PHF3: variants seen among roughly 807,000 people sequenced by gnomAD.
The protein encoded by PHF3 is PHD finger protein 3.
A neutral mutation model predicts 178.4 loss-of-function variants in PHF3; 41 were observed. The observed-to-expected ratio is 0.23, with a 90% CI of 0.18 to 0.30. The LOEUF (loss-of-function observed/expected upper bound fraction) is 0.30, where lower values mean the gene tolerates loss of function less well. Ranked by LOEUF, PHF3 falls within the 10% of genes least tolerant of loss-of-function variation. The pLI, the probability that PHF3 is intolerant of heterozygous loss-of-function variation, is 1.00. For missense variants in PHF3, 2,346 were observed against 2,398.1 expected (o/e 0.98, Z 0.45); for synonymous variants, 842 against 800.5 (o/e 1.05, Z -0.88).
rs143605940 is a variant in PHF3 at position 63,662,011 on chromosome 6, A to ACCT, written c.244+15220_244+15222dup. Among the ~76,000 whole-genome samples, 6 of 152,040 alleles carry ACCT rather than the reference A, an allele frequency of 3.9e-5. No individual in the cohort carries two copies. In the East Asian group the frequency reaches 1.2e-3, roughly 29 times the overall value. ...CAGTGAGCATTACCGCTTGAGTTCC[A>ACCT]CCTCCTGTCAGATCAGCGGTGGCAT... On this transcript the variant is annotated intron_variant, in intron 2 of 15. Transcript: ENST00000262043.
rs1396841909 is a variant in PHF3, at chr6:63,718,090, T to C, written c.*4382T>C. 6.6e-6 allele frequency among the ~76,000 whole-genome samples: 1 copy of C among 152,010 alleles called. No homozygotes were observed. Among genetic ancestry groups the C allele is most frequent in the Non-Finnish European group, 1.5e-5 (1 of 67,922 alleles). On this transcript the variant is annotated 3_prime_UTR_variant, in exon 16 of 16. Coordinates refer to ENST00000262043, the MANE Select transcript of PHF3 (RefSeq NM_001370348.2). ...TAGTGTTGATTTGTTACATGAACTT[T>C]CCAGGATTTTAAGGTGAAAAATATA...
chr6:63,649,502 A>T (rs1486463276), intron 2 of PHF3, among the ~76,000 whole-genome samples: 1 of 152,122 alleles, frequency 6.6e-6, no homozygotes, highest in Non-Finnish European at 1.5e-5. Context: ...TACCAAAATA[A>T]TTGCTACATC....
In PHF3 at chr6:63,723,908, A is replaced by G. The variant is rs944838073; in HGVS notation, c.*10200A>G. 6.6e-6 allele frequency among the ~76,000 whole-genome samples: 1 copy of G among 151,470 alleles called. No homozygotes were observed. The highest frequency in any genetic ancestry group is 6.6e-5 in the Admixed American group (1 of 15,206). ...GCAATCTCGGCTCACTGCAACCTCC[A>G]TCTCCCGGGCTGCCTCAGTTTCCCG... On this transcript the variant is annotated 3_prime_UTR_variant, in exon 16 of 16. Transcript: ENST00000262043.
rs933265708 is a variant in PHF3, at chr6:63,725,687, C to T, written c.*11979C>T. On this transcript the variant is annotated 3_prime_UTR_variant, in exon 16 of 16. Coordinates refer to ENST00000262043, the MANE Select transcript of PHF3 (RefSeq NM_001370348.2). ...ATTTCAGAAGTGCATTGAGGTGGAA[C>T]CACTTTGGTCGAATTCCCTGATATT... Among the ~76,000 whole-genome samples, 40 of 151,970 alleles carry T rather than the reference C, an allele frequency of 2.6e-4. No homozygotes were observed. The highest frequency in any genetic ancestry group is 9.7e-4 in the African/African-American group (40 of 41,392).
In PHF3 at chr6:63,721,333, T is replaced by C; in HGVS notation, c.*7625T>C. 2 of 1,552,006 alleles carry C rather than the reference T, an allele frequency of 1.3e-6. No individual in the cohort carries two copies. ...TTTCCAGCCCAATCTGGCAAACATC[T>C]GCAAGAAAAAGTTGTGCCATTTACT... is the stretch of plus-strand genomic sequence containing the variant. On this transcript the variant is annotated 3_prime_UTR_variant, in exon 16 of 16. Coordinates refer to ENST00000262043, the MANE Select transcript of PHF3 (RefSeq NM_001370348.2).
Position 63,720,633 on chromosome 6 carries a change from T to C in PHF3, c.*6925T>C. On this transcript the variant is annotated 3_prime_UTR_variant, in exon 16 of 16. Coordinates refer to ENST00000262043, the MANE Select transcript of PHF3 (RefSeq NM_001370348.2). ...ATTTTGTTCATCTCCATCATAAACA[T>C]TGTATCCTTCTAATTTAATTAGTTC... 1 of 1,520,196 alleles carries C rather than the reference T, an allele frequency of 6.6e-7. No homozygotes were observed. The highest frequency in any genetic ancestry group is 1.3e-5 in the South Asian group (1 of 77,498). The allele number at this position is 1,520,196 out of a possible 1,614,324, so 94.2% of individuals were successfully genotyped here.
chr6:63,694,751 A>G lies in PHF3; in HGVS notation c.2667A>G (p.Lys889=), dbSNP rs747692425. ...ESTTVTCTGE[K]ASKPGTHEKQ... The stretch of plus-strand genomic sequence containing the variant: ...CAACTGTTACTTGCACAGGAGAAAA[A>G]GCTTCAAAACCAGGTAGTGAGATGA... Residue 889 remains lysine (K), a synonymous_variant, in exon 6 of 16, where the codon AAA becomes AAG. Transcript: ENST00000262043. 2.7e-6 allele frequency: 4 copies of G among 1,502,430 alleles called. No individual in the cohort carries two copies. The African/African-American group carries it at 5.7e-5, about 21-fold the overall frequency. The allele number at this position is 1,502,430 out of a possible 1,614,324, so 93.1% of individuals were successfully genotyped here.
intron 2 of PHF3, among the ~76,000 whole-genome samples, chr6:63,661,317 T>C (rs1048852056): frequency 6.6e-5 from 10 of 152,274 alleles, no homozygotes; most frequent in African/African-American, 2.4e-4. Context: ...TGGGACCAGA[T>C]AATGAGACTA....
rs1355348559 is a variant in PHF3 at position 63,721,432 on chromosome 6, C to G, written c.*7724C>G. 1 of 1,551,676 alleles carries G rather than the reference C, an allele frequency of 6.4e-7. No individual in the cohort carries two copies. Among genetic ancestry groups the G allele is most frequent in the East Asian group, 2.4e-5 (1 of 40,922 alleles). Reference sequence around the variant, plus strand: ...TCACAGTCACCTACATTTGAGCCACCTTTTGCTCCAAATTCAGTTAATTGT... The same window carrying G: ...TCACAGTCACCTACATTTGAGCCACGTTTTGCTCCAAATTCAGTTAATTGT... On this transcript the variant is annotated 3_prime_UTR_variant, in exon 16 of 16. Transcript: ENST00000262043.
At position 63,646,570 on chromosome 6, in the gene PHF3, T is replaced by C; in HGVS notation, c.19T>C (p.Phe7Leu). The change falls in exon 2 of 16, where the codon TTT becomes CTT. Residue 7 changes from phenylalanine to leucine, a missense_variant. Transcript: ENST00000262043. Reference sequence around the variant, plus strand: ...AGTCTTCATGGATATAGTTGATACATTTAATCATTTAATTCCTACTGAACA... The same window carrying C: ...AGTCTTCATGGATATAGTTGATACACTTAATCATTTAATTCCTACTGAACA... MDIVDT[F>L]NHLIPTEHLD... The C allele has an allele frequency of 1.2e-6, 2 of 1,610,320 alleles. No homozygotes were observed. Among genetic ancestry groups the C allele is most frequent in the Non-Finnish European group, 1.7e-6 (2 of 1,176,974 alleles).
chr6:63,715,839 A>G lies in PHF3; in HGVS notation c.*2131A>G, dbSNP rs769917926. On this transcript the variant is annotated 3_prime_UTR_variant, in exon 16 of 16. Coordinates refer to ENST00000262043, the MANE Select transcript of PHF3 (RefSeq NM_001370348.2). ...AAAGGGAAAATGAGCAGATTTTTCA[A>G]TGAGTAGTAGATCCAAAGCCATTCT... 3.9e-5 allele frequency among the ~76,000 whole-genome samples: 6 copies of G among 152,222 alleles called. No homozygotes were observed. The highest frequency in any genetic ancestry group is 9.6e-5 in the African/African-American group (4 of 41,564).
intron 2 of PHF3, among the ~76,000 whole-genome samples, chr6:63,671,854 C>T (rs979243551): frequency 8.5e-5 from 13 of 152,162 alleles, no homozygotes; most frequent in Non-Finnish European, 1.3e-4. Context: ...TCAGGTGATT[C>T]TCCTGCCTCA....
intron 14 of PHF3, among the ~76,000 whole-genome samples, chr6:63,709,645 T>C (rs1767841520): frequency 6.6e-6 from 1 of 152,152 alleles, no homozygotes; most frequent in Admixed American, 6.5e-5. Context: ...TCCTCAGCAG[T>C]CAAACATACC....
rs953670617 is a variant in PHF3, at chr6:63,671,864, A to T, written c.245-8136A>T. 3.3e-5 allele frequency among the ~76,000 whole-genome samples: 5 copies of T among 152,316 alleles called. No homozygotes were observed. The South Asian group carries it at 1.0e-3, about 32-fold the overall frequency. On this transcript the variant is annotated intron_variant, in intron 2 of 15. Transcript: ENST00000262043. Reference sequence around the variant, plus strand: ...CTGGTTCAGGTGATTCTCCTGCCTCAGCCTCCCAAGTAGCTGGGATTACAG... The same window carrying T: ...CTGGTTCAGGTGATTCTCCTGCCTCTGCCTCCCAAGTAGCTGGGATTACAG...
At chr6:63,653,245 T>A (rs1328878878) in intron 2 of PHF3, among the ~76,000 whole-genome samples, 5 of 151,874 alleles carry the variant, frequency 3.3e-5, no homozygotes, top group African/African-American at 1.2e-4. Flanking sequence ...ACTGGTATTT[T>A]GGTAGGCATT....
chr6:63,652,709 A>G (rs1056578177), intron 2 of PHF3, among the ~76,000 whole-genome samples: 1 of 152,114 alleles, frequency 6.6e-6, no homozygotes, highest in Admixed American at 6.6e-5. Context: ...TGATTTTTGT[A>G]TATGGAGAGA....
In PHF3 at chr6:63,717,026, A is replaced by G. The variant is rs1389929034; in HGVS notation, c.*3318A>G. Among the ~76,000 whole-genome samples the G allele has an allele frequency of 6.6e-6, 1 of 152,096 alleles. No individual in the cohort carries two copies. Among genetic ancestry groups the G allele is most frequent in the Non-Finnish European group, 1.5e-5 (1 of 67,996 alleles). On this transcript the variant is annotated 3_prime_UTR_variant, in exon 16 of 16. Coordinates refer to ENST00000262043, the MANE Select transcript of PHF3 (RefSeq NM_001370348.2). ...ATCATCTACCAACAGCCCTTGACTT[A>G]CTAATTGTAGTTTATTGTGGGTGAA...
rs570953483 is a variant in PHF3, at chr6:63,657,583, GTCTTCA to G, written c.244+10802_244+10807del. Among the ~76,000 whole-genome samples, 717 of 152,222 alleles carry G rather than the reference GTCTTCA, an allele frequency of 4.7e-3. 3 individuals carry two copies. The highest frequency in any genetic ancestry group is 0.015 in the African/African-American group (624 of 41,518). On this transcript the variant is annotated intron_variant, in intron 2 of 15. Coordinates refer to ENST00000262043, the MANE Select transcript of PHF3 (RefSeq NM_001370348.2). ...TAAGTGGAAGTGGATCATTAAAAAA[GTCTTCA>G]TCTTCATCTTCATGTTTAGTAGGTT... is the stretch of plus-strand genomic sequence containing the variant.
Position 63,724,412 on chromosome 6 carries a change from CTTAT to C in PHF3, c.*10709_*10712del, listed in dbSNP as rs147668990. Among the ~76,000 whole-genome samples the C allele has an allele frequency of 0.038, 5,816 of 152,076 alleles. 377 individuals carry two copies. Among genetic ancestry groups the C allele is most frequent in the African/African-American group, 0.13 (5,483 of 41,482 alleles). ...AAAAGGAAAGCAATGGTAATTTAAA[CTTAT>C]TTATATATTTTTAATATAGTTTAAT... On this transcript the variant is annotated 3_prime_UTR_variant, in exon 16 of 16. Coordinates refer to ENST00000262043, the MANE Select transcript of PHF3 (RefSeq NM_001370348.2).
Sources: gnomAD v4.1 joint callset for allele counts (sites outside exome capture counted in the v4.1 genomes callset) on GRCh38, gnomAD v4.1.1 for gene constraint, MANE v1.5 for transcripts, NCBI Gene and HGNC (gene_info 2026-07-23, HGNC 2026-07-21) for gene names.